The following SLC24A2 variants were observed in gnomAD, a reference collection of about 807,000 sequenced individuals.
SLC24A2 encodes solute carrier family 24 member 2.
SLC24A2 carries 36 observed loss-of-function variants against 62.0 expected under a neutral mutation model. The ratio of observed to expected loss-of-function variants is 0.58; its 90% CI spans 0.44 to 0.77. The LOEUF is 0.77. Among genes scored for constraint, SLC24A2 ranks in the 30% least tolerant of loss-of-function variants. The pLI is 0.00. For synonymous variants in SLC24A2, 358 were observed against 294.0 expected, an observed-to-expected ratio of 1.22 and a Z score of -2.23; for missense variants, 846 against 817.9, an observed-to-expected ratio of 1.03 and a Z score of -0.42.
chr9:20,001,580 G>A, the SLC24A2 span, among the ~76,000 whole-genome samples: 2 of 152,152 alleles, frequency 1.3e-5, no homozygotes, highest in Non-Finnish European at 2.9e-5. Context: ...AGGCGTCTCA[G>A]TCCACCCTCC....
At chr9:20,252,141 A>C in the SLC24A2 span, among the ~76,000 whole-genome samples, 3 of 152,336 alleles carry the variant, frequency 2.0e-5, no homozygotes, top group East Asian at 5.8e-4. Context: ...TCACATTATG[A>C]ATGAAAGTAG....
chr9:19,543,662 T>C (rs1327714636), intron 8 of SLC24A2, among the ~76,000 whole-genome samples: 1 of 152,210 alleles, frequency 6.6e-6, no homozygotes, highest in East Asian at 1.9e-4. Context: ...AGAACATCTT[T>C]GTTTCTGCCT....
chr9:20,107,164 A>G, the SLC24A2 span, among the ~76,000 whole-genome samples: 2 of 152,344 alleles, frequency 1.3e-5, no homozygotes, highest in Non-Finnish European at 2.9e-5. Flanking sequence ...TTCAAGGAGA[A>G]CTACAAACCA....
the SLC24A2 span, among the ~76,000 whole-genome samples, chr9:19,952,930 A>C: frequency 2.0e-5 from 3 of 151,952 alleles, no homozygotes; most frequent in African/African-American, 7.2e-5. Context: ...TTATTTTTTA[A>C]AGTAGTATAA....
chr9:20,007,338 T>G, the SLC24A2 span, among the ~76,000 whole-genome samples: 1 of 152,146 alleles, frequency 6.6e-6, no homozygotes, highest in Non-Finnish European at 1.5e-5. Context: ...ATTCTGCACC[T>G]GAGTCCTACT....
chr9:19,545,249 A>T (rs1046986671), intron 8 of SLC24A2, among the ~76,000 whole-genome samples: 25 of 151,688 alleles, frequency 1.6e-4, no homozygotes, highest in Non-Finnish European at 4.4e-5. Context: ...GCTTCACAGA[A>T]TTCTCATGCT....
the SLC24A2 span, among the ~76,000 whole-genome samples, chr9:20,004,369 T>C: frequency 7.2e-3 from 1,102 of 152,296 alleles, 14 homozygotes; most frequent in African/African-American, 0.025. Context: ...AAGCTGGTCA[T>C]AAAACAGCAG....
At chr9:20,179,242 A>G in the SLC24A2 span, among the ~76,000 whole-genome samples, 1 of 152,154 alleles carries the variant, frequency 6.6e-6, no homozygotes, top group Non-Finnish European at 1.5e-5. Flanking sequence ...CCACTCAGGC[A>G]TATTGCCCTT....
chr9:19,612,210 C>G (rs953989301), intron 4 of SLC24A2, among the ~76,000 whole-genome samples: 1 of 152,154 alleles, frequency 6.6e-6, no homozygotes, highest in African/African-American at 2.4e-5. Flanking sequence ...CTGGAGCAAG[C>G]AAGATTCTAT....
intron 2 of SLC24A2, among the ~76,000 whole-genome samples, chr9:19,780,395 G>C (rs1022762558): frequency 2.0e-5 from 3 of 151,230 alleles, no homozygotes; most frequent in Admixed American, 1.3e-4. Flanking sequence ...AGCCTCCTGA[G>C]TAGCTGGGAT....
chr9:19,820,056 C>CACACATATATATAT, the SLC24A2 span, among the ~76,000 whole-genome samples: 1 of 20,732 alleles, frequency 4.8e-5, no homozygotes, highest in African/African-American at 8.9e-5. Flanking sequence ...TATATATATA[C>CACACATATATATAT]ACATATATAT....
At chr9:20,038,382 G>A in the SLC24A2 span, among the ~76,000 whole-genome samples, 1 of 152,098 alleles carries the variant, frequency 6.6e-6, no homozygotes, top group Non-Finnish European at 1.5e-5. Flanking sequence ...TGGGGTCTTT[G>A]GCCCAATACC....
intron 2 of SLC24A2, among the ~76,000 whole-genome samples, chr9:19,627,853 G>A (rs1260589403): frequency 6.6e-6 from 1 of 152,126 alleles, no homozygotes; most frequent in African/African-American, 2.4e-5. Flanking sequence ...ATGTATCTAT[G>A]TGCTACTGGC....
chr9:20,299,572 G>C, the SLC24A2 span, among the ~76,000 whole-genome samples: 3 of 152,214 alleles, frequency 2.0e-5, no homozygotes, highest in East Asian at 5.8e-4. Context: ...CATTAGCCAG[G>C]AAGGGGAGGT....
At chr9:19,674,698 C>T (rs1044125879) in intron 2 of SLC24A2, among the ~76,000 whole-genome samples, 21 of 152,124 alleles carry the variant, frequency 1.4e-4, no homozygotes, top group Admixed American at 1.2e-3. Context: ...GTGTGTCCTT[C>T]CTTTCCAGAA....
chr9:19,709,522 T>TA (rs1304660587), intron 2 of SLC24A2, among the ~76,000 whole-genome samples: 1 of 151,586 alleles, frequency 6.6e-6, no homozygotes, highest in Non-Finnish European at 1.5e-5. Flanking sequence ...CCAACAACGA[T>TA]AGACTGGATT....
At chr9:20,239,914 G>T in the SLC24A2 span, among the ~76,000 whole-genome samples, 3 of 148,920 alleles carry the variant, frequency 2.0e-5, no homozygotes, top group African/African-American at 7.5e-5. Context: ...ATTCGAACCA[G>T]CTGTGAACTG....
the SLC24A2 span, among the ~76,000 whole-genome samples, chr9:19,984,823 T>A: frequency 3.9e-5 from 6 of 152,298 alleles, no homozygotes; most frequent in African/African-American, 1.4e-4. Flanking sequence ...GACAACTGGA[T>A]ATCTACATGC....
At position 19,622,242 on chromosome 9, in the gene SLC24A2, C is replaced by G; in HGVS notation, c.969+19G>C. ...CCACAGGCACACAAACAGGTACAGA[C>G]AAAGCCACTGCTTCCTACCGGTAGA... On this transcript the variant is annotated intron_variant, in intron 3 of 10. Coordinates refer to ENST00000341998, the MANE Select transcript of SLC24A2 (RefSeq NM_020344.4). 6.2e-7 allele frequency: 1 copy of G among 1,612,278 alleles called. No individual in the cohort carries two copies. Among genetic ancestry groups the G allele is most frequent in the Non-Finnish European group, 8.5e-7 (1 of 1,178,534 alleles).
Sources: gnomAD v4.1 joint callset for allele counts (sites outside exome capture counted in the v4.1 genomes callset) on GRCh38, gnomAD v4.1.1 for gene constraint, MANE v1.5 for transcripts, NCBI Gene and HGNC (gene_info 2026-07-23, HGNC 2026-07-21) for gene names.